The following DHX34 variants were observed in gnomAD, a reference collection of about 807,000 sequenced individuals.
DHX34 encodes probable ATP-dependent RNA helicase DHX34.
A neutral mutation model predicts 111.1 loss-of-function variants in DHX34; 96 were observed. The observed-to-expected ratio is 0.86, with a 90% CI of 0.73 to 1.02. The LOEUF is 1.02. DHX34 is among the 50% of genes least tolerant of loss of function. The pLI is 0.00. For synonymous variants in DHX34, 688 were observed against 670.4 expected (o/e 1.03, Z -0.41); for missense variants, 1,560 against 1,579.9 (o/e 0.99, Z 0.21).
At chr19:47,370,616 C>T (rs1445861716) in intron 7 of DHX34, among the ~76,000 whole-genome samples, 1 of 152,218 alleles carries the variant, frequency 6.6e-6, no homozygotes, top group East Asian at 1.9e-4. Flanking sequence ...GGGCAGGAGG[C>T]TGGATCCGCT....
intron 1 of DHX34, among the ~76,000 whole-genome samples, chr19:47,350,966 C>T (rs964483857): frequency 3.3e-5 from 5 of 151,830 alleles, no homozygotes; most frequent in African/African-American, 1.2e-4. Flanking sequence ...GAGGGGGAAA[C>T]AAACCCACTG....
chr19:47,376,799 CAGAG>C, intron 12 of DHX34: 1 of 1,509,088 alleles, frequency 6.6e-7, no homozygotes, highest in Middle Eastern at 2.4e-4. Flanking sequence ...TGGCTGTGCC[CAGAG>C]AGTGAGCACC....
Position 47,362,667 on chromosome 19 carries a change from G to T in DHX34, c.1567G>T (p.Val523Leu). The T allele has an allele frequency of 2.5e-6, 4 of 1,613,128 alleles. No homozygotes were observed. Among genetic ancestry groups the T allele is most frequent in the South Asian group, 1.1e-5 (1 of 91,026 alleles). Residue 523 changes from valine to leucine, a missense_variant, in exon 6 of 17, where the codon GTG becomes TTG. Physicochemically the swap from Val to Leu is conservative, Grantham distance 32. Coordinates refer to ENST00000328771, the MANE Select transcript of DHX34 (RefSeq NM_014681.6). Reference sequence around the variant, plus strand: ...CTACCCCGTCCCAGAAATTCGGAGGGTGGCCCTGGACTCGTTGGTGCTGCA... The same window carrying T: ...CTACCCCGTCCCAGAAATTCGGAGGTTGGCCCTGGACTCGTTGGTGCTGCA... ...APYPVPEIRR[V>L]ALDSLVLQMK...
chr19:47,355,801 G>C (rs963376805), intron 3 of DHX34, among the ~76,000 whole-genome samples: 1 of 151,792 alleles, frequency 6.6e-6, no homozygotes, highest in African/African-American at 2.4e-5. Flanking sequence ...GCAGTGAGCC[G>C]AGATCGCGCC....
At position 47,375,550 on chromosome 19, in the gene DHX34, G is replaced by C. The variant is rs1034188371; in HGVS notation, c.2149G>C (p.Glu717Gln). Residue 717 changes from glutamate (E) to glutamine (Q), a missense_variant, in exon 10 of 17, where the codon GAG becomes CAG. Physicochemically the swap from Glu to Gln is conservative, Grantham distance 29. Coordinates refer to ENST00000328771, the MANE Select transcript of DHX34 (RefSeq NM_014681.6). ...CTACAGTCGGTTGCAGCAGCGCCGGGAGCGCCGGGCCCTGCACCAGCTGAA... is the reference window on the plus strand; with the variant it reads ...CTACAGTCGGTTGCAGCAGCGCCGGCAGCGCCGGGCCCTGCACCAGCTGAA... The part of the protein sequence containing the change: ...DSYSRLQQRR[E>Q]RRALHQLKRQ... The C allele has an allele frequency of 1.9e-6, 3 of 1,551,970 alleles. No homozygotes were observed. Among genetic ancestry groups the C allele is most frequent in the Non-Finnish European group, 2.6e-6 (3 of 1,153,762 alleles).
At chr19:47,358,315 G>A (rs575302327) in intron 4 of DHX34, among the ~76,000 whole-genome samples, 195 bp downstream of exon 4, 9 of 152,304 alleles carry the variant, frequency 5.9e-5, no homozygotes, top group Non-Finnish European at 1.0e-4. Flanking sequence ...ACCAGAGGTC[G>A]GCAAACTTTC....
rs753725729 is a variant in DHX34, at chr19:47,375,647, C to T, written c.2246C>T (p.Ser749Phe). The T allele has an allele frequency of 2.8e-5, 44 of 1,555,060 alleles. No individual in the cohort carries two copies. The highest frequency in any genetic ancestry group is 3.6e-5 in the Non-Finnish European group (41 of 1,153,400). Reference protein sequence around the residue: ...LRLQEEQDGGSSDEDRAGPAP... With the variant: ...LRLQEEQDGGFSDEDRAGPAP... ...CTGCAGGAGGAGCAGGACGGCGGCT[C>T]CAGTGACGAGGACAGGGCTGGCCCA... The change falls in exon 10 of 17, where the codon TCC (serine) becomes TTC (phenylalanine). Residue 749 changes from serine (S) to phenylalanine (F), a missense_variant. Coordinates refer to ENST00000328771, the MANE Select transcript of DHX34 (RefSeq NM_014681.6).
intron 9 of DHX34, among the ~76,000 whole-genome samples, chr19:47,374,927 TGAG>T (rs923112088): frequency 9.2e-5 from 14 of 152,230 alleles, no homozygotes; most frequent in African/African-American, 3.1e-4. Context: ...TTGGGTCACT[TGAG>T]GAATGTTGAC....
rs747036262 is a variant in DHX34, at chr19:47,373,662, C to T, written c.2026C>T (p.Arg676Ter). 5.6e-6 allele frequency: 9 copies of T among 1,614,024 alleles called. No homozygotes were observed. The highest frequency in any genetic ancestry group is 1.7e-4 in the Middle Eastern group (1 of 6,058). ...CCGCCGCCGGGGCATAGAGGAGCATCGACTGTACGAAATGGCCAACCTTCG... is the reference window on the plus strand; with the variant it reads ...CCGCCGCCGGGGCATAGAGGAGCATTGACTGTACGAAATGGCCAACCTTCG... ...WCRRRGIEEH[R>*]LYEMANLRRQ... The change falls in exon 9 of 17, where the codon CGA (arginine) becomes TGA (stop). Residue 676 changes from arginine to a stop codon, truncating the protein, a stop_gained. Coordinates refer to ENST00000328771, the MANE Select transcript of DHX34 (RefSeq NM_014681.6). LOFTEE classifies it high-confidence loss of function.
chr19:47,362,699 G>T lies in DHX34; in HGVS notation c.1593+6G>T, dbSNP rs771924620. The T allele has an allele frequency of 6.2e-7, 1 of 1,607,734 alleles. No homozygotes were observed. The highest frequency in any genetic ancestry group is 1.1e-5 in the South Asian group (1 of 90,584). On this transcript the variant is annotated splice_donor_region_variant and intron_variant, in intron 6 of 16. Coordinates refer to ENST00000328771, the MANE Select transcript of DHX34 (RefSeq NM_014681.6). ...TGGACTCGTTGGTGCTGCAGGTGAGGCATGGGCAGAAAGGGGACTATATCC... is the reference window on the plus strand; with the variant it reads ...TGGACTCGTTGGTGCTGCAGGTGAGTCATGGGCAGAAAGGGGACTATATCC...
intron 10 of DHX34, 36 bp from the exon 11 acceptor site, chr19:47,375,888 G>A (rs779503798): frequency 6.4e-7 from 1 of 1,558,926 alleles, no homozygotes; most frequent in South Asian, 1.2e-5. Flanking sequence ...AGCCCCTCAG[G>A]TCCCCTAAGA....
intron 9 of DHX34, 27 bp from the exon 10 acceptor site, chr19:47,375,438 GC>G: frequency 6.4e-7 from 1 of 1,560,818 alleles, no homozygotes; most frequent in Non-Finnish European, 8.6e-7. Context: ...CTGCCCTGAG[GC>G]CCTCACCCCT....
chr19:47,372,618 T>TG lies in DHX34; in HGVS notation c.1769-110dup, dbSNP rs1383660333. 3 of 1,425,158 alleles carry TG rather than the reference T, an allele frequency of 2.1e-6. No individual in the cohort carries two copies. The African/African-American group carries it at 4.6e-5, about 22-fold the overall frequency. 88.3% of individuals were successfully genotyped at this position (1,425,158 alleles called of 1,614,324 possible). On this transcript the variant is annotated intron_variant, in intron 7 of 16. Transcript: ENST00000328771. ...GTCACAAGACCCTTAGTGGGCAAGA[T>TG]GGAGGGGGTGGGAGCAGGAGGGCAG...
intron 13 of DHX34, among the ~76,000 whole-genome samples, chr19:47,378,379 G>A (rs944103984): frequency 2.0e-5 from 3 of 152,208 alleles, no homozygotes; most frequent in Non-Finnish European, 4.4e-5. Flanking sequence ...CAGATAGGAT[G>A]GTAGAGGCAG....
In DHX34 at chr19:47,382,194, C is replaced by A; in HGVS notation, c.*81C>A. On this transcript the variant is annotated 3_prime_UTR_variant, in exon 17 of 17. Coordinates refer to ENST00000328771, the MANE Select transcript of DHX34 (RefSeq NM_014681.6). ...ACTAGGGGCAGGACTCTTGCCTGAA[C>A]CCCCAGCCTGGGCTTAGCCCTGTGG... The A allele has an allele frequency of 6.4e-7, 1 of 1,562,656 alleles. No individual in the cohort carries two copies. Among genetic ancestry groups the A allele is most frequent in the African/African-American group, 1.4e-5 (1 of 73,336 alleles).
intron 6 of DHX34, 126 bp from the exon 7 acceptor site, chr19:47,366,855 T>C: frequency 1.5e-6 from 2 of 1,379,174 alleles, no homozygotes; most frequent in Non-Finnish European, 9.4e-7. Context: ...ATTACAGGCA[T>C]GAGCCACAAC....
chr19:47,374,204 C>T (rs1431825978), intron 9 of DHX34, among the ~76,000 whole-genome samples: 1 of 152,022 alleles, frequency 6.6e-6, no homozygotes, highest in African/African-American at 2.4e-5. Flanking sequence ...TTTGGGAGGG[C>T]GAGGTGGGTG....
chr19:47,368,389 C>T (rs942960079), intron 7 of DHX34, among the ~76,000 whole-genome samples: 3 of 144,530 alleles, frequency 2.1e-5, no homozygotes, highest in African/African-American at 7.8e-5. Flanking sequence ...TCACCACAAC[C>T]TCCACCTCTT....
Position 47,381,976 on chromosome 19 carries a change from T to C in DHX34, c.3299-4T>C. 1 of 1,614,070 alleles carries C rather than the reference T, an allele frequency of 6.2e-7. No individual in the cohort carries two copies. The highest frequency in any genetic ancestry group is 8.5e-7 in the Non-Finnish European group (1 of 1,179,964). On this transcript the variant is annotated splice_polypyrimidine_tract_variant and splice_region_variant and intron_variant, in intron 16 of 16. Transcript: ENST00000328771. ...CTCACAGCCTCCTCCTTTTCCTCCC[T>C]TAGGGGCTGAGGAAGCTGCCCTCGA...
Sources: gnomAD v4.1 joint callset for allele counts (sites outside exome capture counted in the v4.1 genomes callset) on GRCh38, gnomAD v4.1.1 for gene constraint, MANE v1.5 for transcripts, NCBI Gene and HGNC (gene_info 2026-07-23, HGNC 2026-07-21) for gene names.